The following VPS13A variants were observed in gnomAD, a reference collection of about 807,000 sequenced individuals.
VPS13A encodes vacuolar protein sorting 13 homolog A.
A neutral mutation model predicts 390.9 loss-of-function variants in VPS13A; 264 were observed. The observed-to-expected ratio is 0.68, with a 90% CI of 0.61 to 0.75. VPS13A has a LOEUF of 0.75. Ranked by LOEUF, VPS13A falls within the 30% of genes least tolerant of loss-of-function variation. The probability of loss-of-function intolerance (pLI) is 0.00; values close to 1 mark genes in which losing one functional copy is unlikely to be tolerated. For missense variants in VPS13A, 3,409 were observed against 3,733.9 expected, an observed-to-expected ratio of 0.91 and a Z score of 2.27; for synonymous variants, 1,231 against 1,227.1, an observed-to-expected ratio of 1.00 and a Z score of -0.07.
chr9:77,268,104 G>A (rs1378306338), intron 23 of VPS13A, among the ~76,000 whole-genome samples: 1 of 152,264 alleles, frequency 6.6e-6, no homozygotes, highest in African/African-American at 2.4e-5. Flanking sequence ...GGCTCCATGG[G>A]AGTGGGATCC....
intron 71 of VPS13A, among the ~76,000 whole-genome samples, chr9:77,414,437 T>A (rs1228795576): frequency 6.6e-6 from 1 of 152,080 alleles, no homozygotes; most frequent in Non-Finnish European, 1.5e-5. Context: ...ATGTCCTTTG[T>A]AGGGACATGG....
intron 17 of VPS13A, among the ~76,000 whole-genome samples, chr9:77,237,758 T>A (rs2131229439): frequency 6.6e-6 from 1 of 152,340 alleles, no homozygotes; most frequent in East Asian, 1.9e-4. Flanking sequence ...CATTGTAGAT[T>A]TACTGTCATT....
intron 7 of VPS13A, among the ~76,000 whole-genome samples, chr9:77,212,023 T>C (rs577969404): frequency 5.3e-4 from 80 of 152,264 alleles, no homozygotes; most frequent in South Asian, 3.5e-3. Context: ...ATGAAACTGG[T>C]CGTTGGTGCC....
chr9:77,399,816 A>G (rs1168921521), intron 68 of VPS13A, among the ~76,000 whole-genome samples: 3 of 152,122 alleles, frequency 2.0e-5, no homozygotes, highest in African/African-American at 7.2e-5. Context: ...AAGTTTCTAC[A>G]TGTTGAAACT....
chr9:77,252,366 G>A lies in VPS13A; in HGVS notation c.2288+14G>A. The A allele has an allele frequency of 6.3e-7, 1 of 1,587,998 alleles. No individual in the cohort carries two copies. The highest frequency in any genetic ancestry group is 8.6e-7 in the Non-Finnish European group (1 of 1,156,462). Reference sequence around the variant, plus strand: ...AAGGATGCCCAAGTATGTACTGTTTGTTTCATGTGAATATGGATTTTCTGG... The same window carrying A: ...AAGGATGCCCAAGTATGTACTGTTTATTTCATGTGAATATGGATTTTCTGG... On this transcript the variant is annotated intron_variant, in intron 22 of 71. Transcript: ENST00000360280.
chr9:77,262,157 C>T (rs1245891041), intron 23 of VPS13A, among the ~76,000 whole-genome samples: 1 of 151,902 alleles, frequency 6.6e-6, no homozygotes, highest in Admixed American at 6.6e-5. Context: ...GTTTTTTCCT[C>T]ATTTTATTGT....
chr9:77,365,069 T>C (rs1353608019), intron 59 of VPS13A, among the ~76,000 whole-genome samples: 1 of 152,184 alleles, frequency 6.6e-6, no homozygotes, highest in African/African-American at 2.4e-5. Context: ...TTTATTATAT[T>C]ACTGATCTGT....
At position 77,271,874 on chromosome 9, in the gene VPS13A, A is replaced by G. The variant is rs550293197; in HGVS notation, c.2428-1406A>G. Reference sequence around the variant, plus strand: ...TTAAAAGTTGAAATTAAGGTAACATAGTTGTTACTTTTGGGAGGATGCCTA... The same window carrying G: ...TTAAAAGTTGAAATTAAGGTAACATGGTTGTTACTTTTGGGAGGATGCCTA... On this transcript the variant is annotated intron_variant, in intron 23 of 71. Transcript: ENST00000360280. Among the ~76,000 whole-genome samples, 777 of 152,314 alleles carry G rather than the reference A, an allele frequency of 5.1e-3. 4 individuals carry two copies. Among genetic ancestry groups the G allele is most frequent in the Non-Finnish European group, 8.2e-3 (557 of 68,008 alleles).
At chr9:77,228,090 G>A (rs1318901180) in intron 16 of VPS13A, 32 bp from the exon 17 acceptor site, 5 of 1,447,822 alleles carry the variant, frequency 3.5e-6, no homozygotes, top group Admixed American at 1.9e-5. Context: ...ATATATATAT[G>A]TTTTCATTTT....
chr9:77,363,836 A>G lies in VPS13A; in HGVS notation c.8212-1624A>G, dbSNP rs189430331. ...TTAGTTCCTTTGGGAAGAGATTAATAGTTACCTGTTTTAAAACCTACTTTC... is the reference window on the plus strand; with the variant it reads ...TTAGTTCCTTTGGGAAGAGATTAATGGTTACCTGTTTTAAAACCTACTTTC... On this transcript the variant is annotated intron_variant, in intron 59 of 71. Transcript: ENST00000360280. 6.2e-3 allele frequency among the ~76,000 whole-genome samples: 944 copies of G among 152,324 alleles called. 3 individuals carry two copies. The highest frequency in any genetic ancestry group is 9.7e-3 in the Non-Finnish European group (660 of 68,032).
Position 77,177,554 on chromosome 9 carries a change from T to C in VPS13A, c.-151T>C. Reference sequence around the variant, plus strand: ...CGACCGCCTCCGTCTCTCGCTGGGCTCGCTAGGGCTGCGCGTTGGGCCAGC... The same window carrying C: ...CGACCGCCTCCGTCTCTCGCTGGGCCCGCTAGGGCTGCGCGTTGGGCCAGC... On this transcript the variant is annotated 5_prime_UTR_variant, in exon 1 of 72. Transcript: ENST00000360280. The C allele has an allele frequency of 1.4e-6, 1 of 694,850 alleles. No individual in the cohort carries two copies. The highest frequency in any genetic ancestry group is 1.6e-5 in the South Asian group (1 of 63,616). 43.0% of individuals were successfully genotyped at this position (694,850 alleles called of 1,614,324 possible). A position where few individuals can be genotyped will look rare whatever the true frequency, so the allele number is the denominator to read the frequency against.
chr9:77,275,570 A>G lies in VPS13A; in HGVS notation c.2585A>G (p.Lys862Arg), dbSNP rs773869996. 2 of 1,613,802 alleles carry G rather than the reference A, an allele frequency of 1.2e-6. No homozygotes were observed. The highest frequency in any genetic ancestry group is 1.3e-5 in the African/African-American group (1 of 75,032). ...EEPLQFPTGV[K>R]SIRTRKLQKQ... is the part of the protein sequence containing the mutation. Reference sequence around the variant, plus strand: ...CCTCTTCAGTTTCCAACTGGAGTTAAAAGTATTCGAACCAGAAAGTTACAA... The same window carrying G: ...CCTCTTCAGTTTCCAACTGGAGTTAGAAGTATTCGAACCAGAAAGTTACAA... The change falls in exon 25 of 72, where the codon AAA becomes AGA. Residue 862 changes from lysine (K) to arginine (R), a missense_variant. This residue lies in a region of VPS13A where 2,717 missense variants were observed against 2,917.4 expected (regional missense o/e 0.93). Coordinates refer to ENST00000360280, the MANE Select transcript of VPS13A (RefSeq NM_033305.3).
At chr9:77,327,001 TG>T (rs1830049025) in intron 45 of VPS13A, among the ~76,000 whole-genome samples, 1 of 152,194 alleles carries the variant, frequency 6.6e-6, no homozygotes, top group Non-Finnish European at 1.5e-5. Context: ...TCAGTCACGT[TG>T]GCTTCCCCAG....
At chr9:77,218,996 GTC>G (rs1395155571) in intron 10 of VPS13A, among the ~76,000 whole-genome samples, 1 of 152,142 alleles carries the variant, frequency 6.6e-6, no homozygotes, top group Non-Finnish European at 1.5e-5. Context: ...AAGTTAAGGA[GTC>G]TATGCAAAGG....
chr9:77,309,879 A>AG (rs1222011978), intron 35 of VPS13A, among the ~76,000 whole-genome samples: 2 of 151,700 alleles, frequency 1.3e-5, no homozygotes, highest in East Asian at 3.9e-4. Context: ...AAGTTTCAGA[A>AG]AAAAAAAAGG....
chr9:77,286,817 A>G (rs1371966940), intron 31 of VPS13A, among the ~76,000 whole-genome samples: 1 of 152,212 alleles, frequency 6.6e-6, no homozygotes, highest in Non-Finnish European at 1.5e-5. Context: ...ACTATTAAGT[A>G]TAAGCCTGGC....
chr9:77,277,065 C>G (rs941836281), intron 26 of VPS13A, among the ~76,000 whole-genome samples: 9 of 152,224 alleles, frequency 5.9e-5, no homozygotes, highest in African/African-American at 2.2e-4. Context: ...GATATATGAT[C>G]CCTAAGAAAC....
chr9:77,208,117 G>A (rs1198475161), intron 5 of VPS13A, among the ~76,000 whole-genome samples: 2 of 152,104 alleles, frequency 1.3e-5, no homozygotes, highest in East Asian at 1.9e-4. Flanking sequence ...ACATTTAATC[G>A]AATGACTAAA....
chr9:77,313,849 A>G (rs1386819176), intron 35 of VPS13A, 143 bp from the exon 36 acceptor site: 1 of 922,076 alleles, frequency 1.1e-6, no homozygotes. Context: ...TGAGTTTTAC[A>G]TCTGAATTTT....
Sources: gnomAD v4.1 joint callset for allele counts (sites outside exome capture counted in the v4.1 genomes callset) on GRCh38, gnomAD v4.1.1 for gene constraint, gnomAD v4.1.1 regional missense constraint, MANE v1.5 for transcripts, NCBI Gene and HGNC (gene_info 2026-07-23, HGNC 2026-07-21) for gene names.